C8A: variants seen among roughly 807,000 people sequenced by gnomAD.
C8A encodes complement component C8 alpha chain.
C8A carries 67 observed loss-of-function variants against 65.3 expected under a neutral mutation model. The ratio of observed to expected loss-of-function variants is 1.03; its 90% CI spans 0.84 to 1.26. C8A has a LOEUF of 1.26. Among genes scored for constraint, C8A ranks in the 50% most tolerant of loss-of-function variants. C8A has a pLI of 0.00. For synonymous variants in C8A, 290 were observed against 259.4 expected (o/e 1.12, Z -1.13); for missense variants, 781 against 723.9 (o/e 1.08, Z -0.90).
intron 1 of C8A, among the ~76,000 whole-genome samples, chr1:56,857,317 C>CACACAG (rs1276628622): frequency 1.3e-5 from 2 of 151,692 alleles, no homozygotes; most frequent in African/African-American, 2.4e-5. Context: ...CACACACACA[C>CACACAG]ACACACACAC....
chr1:56,874,873 G>A (rs2405237), intron 2 of C8A, 76 bp from the exon 3 acceptor site: 53,178 of 1,552,008 alleles, frequency 0.034, 1,106 homozygotes, highest in Non-Finnish European at 0.039. Context: ...ATGTTGAGCC[G>A]AAACCAGGCT....
chr1:56,908,437 C>A (rs1429888693), intron 9 of C8A, among the ~76,000 whole-genome samples: 1 of 152,130 alleles, frequency 6.6e-6, no homozygotes, highest in African/African-American at 2.4e-5. Flanking sequence ...ATCACATGGG[C>A]TAAATTAGGG....
intron 2 of C8A, among the ~76,000 whole-genome samples, chr1:56,869,896 G>C (rs1644127066): frequency 6.6e-6 from 1 of 152,162 alleles, no homozygotes; most frequent in Admixed American, 6.5e-5. Flanking sequence ...CACTCAGTTA[G>C]TGAGGTGCTC....
chr1:56,867,578 A>G, intron 1 of C8A, 31 bp from the exon 2 acceptor site: 1 of 1,535,224 alleles, frequency 6.5e-7, no homozygotes, highest in East Asian at 2.3e-5. Context: ...TTGCATCTCA[A>G]AATTGATGCA....
intron 7 of C8A, among the ~76,000 whole-genome samples, chr1:56,898,481 T>C (rs1644402092): frequency 6.6e-6 from 1 of 152,172 alleles, no homozygotes; most frequent in Admixed American, 6.5e-5. Context: ...GATTTGCATA[T>C]GCTATTTCTT....
chr1:56,872,274 G>T (rs1033713364), intron 2 of C8A, among the ~76,000 whole-genome samples: 2 of 152,158 alleles, frequency 1.3e-5, no homozygotes, highest in Admixed American at 1.3e-4. Context: ...GTCATGTAAT[G>T]GCAAACAGTC....
intron 7 of C8A, among the ~76,000 whole-genome samples, chr1:56,900,528 A>G (rs544536990): frequency 1.2e-3 from 179 of 152,320 alleles, no homozygotes; most frequent in Middle Eastern, 3.4e-3. Flanking sequence ...CTTAACCACC[A>G]CAATTCCTGC....
In C8A at chr1:56,906,728, C is replaced by A. The variant is rs936573952; in HGVS notation, c.1158C>A (p.Asp386Glu). Residue 386 changes from aspartate (D) to glutamate (E), a missense_variant, in exon 8 of 11, where the codon GAC becomes GAA. Transcript: ENST00000361249. ...FGGSLGIQYE[D>E]KINVGGGLSG... ...GCTCCTTGGGCATTCAATATGAAGA[C>A]AAAATAAATGTTGGTGGAGGTTTAT... 14 of 1,613,874 alleles carry A rather than the reference C, an allele frequency of 8.7e-6. No individual in the cohort carries two copies. Among genetic ancestry groups the A allele is most frequent in the South Asian group, 1.1e-5 (1 of 91,072 alleles).
intron 5 of C8A, 144 bp downstream of exon 5, chr1:56,881,778 C>T (rs1462439405): frequency 2.6e-6 from 2 of 771,462 alleles, no homozygotes; most frequent in East Asian, 2.6e-5. Context: ...TACCCATCCC[C>T]ACACATGCTT....
In C8A at chr1:56,885,439, A is replaced by AAATATATATTTAAATATATATTTAC. The variant is rs1319825623; in HGVS notation, c.856-488_856-487insAATATATATTTAAATATATATTTAC. On this transcript the variant is annotated intron_variant, in intron 6 of 10. Coordinates refer to ENST00000361249, the MANE Select transcript of C8A (RefSeq NM_000562.3). ...AAATATATATTTAAATATATATTTA[A>AAATATATATTTAAATATATATTTAC]GTAAATATATATATATTTCCGTAAA... Among the ~76,000 whole-genome samples the AAATATATATTTAAATATATATTTAC allele has an allele frequency of 3.3e-4, 40 of 119,472 alleles. 2 individuals are homozygous for AAATATATATTTAAATATATATTTAC. In the East Asian group the frequency reaches 7.7e-3, roughly 23 times the overall value. 78.4% of individuals were successfully genotyped at this position (119,472 alleles called of 152,430 possible).
chr1:56,879,546 G>A (rs559163734), intron 4 of C8A, among the ~76,000 whole-genome samples: 3 of 152,128 alleles, frequency 2.0e-5, no homozygotes, highest in African/African-American at 7.2e-5. Context: ...TCAATGGTCA[G>A]GAAGATAGAA....
chr1:56,877,457 G>T (rs995539468), intron 4 of C8A, among the ~76,000 whole-genome samples: 1 of 152,114 alleles, frequency 6.6e-6, no homozygotes, highest in African/African-American at 2.4e-5. Flanking sequence ...GTGTCTATCT[G>T]CCCAGGCTAG....
In C8A at chr1:56,856,565, T is replaced by A. The variant is rs1048736144; in HGVS notation, c.77+1587T>A. ...AGTCAGAGATTTTAAACTTTATTTT[T>A]AAGTAATAGCACTCTTTTTCCCTGC... On this transcript the variant is annotated intron_variant, in intron 1 of 10. Coordinates refer to ENST00000361249, the MANE Select transcript of C8A (RefSeq NM_000562.3). Among the ~76,000 whole-genome samples the A allele has an allele frequency of 3.3e-5, 5 of 152,148 alleles. No individual in the cohort carries two copies. In the East Asian group the frequency reaches 9.6e-4, roughly 29 times the overall value.
chr1:56,906,565 C>A, intron 7 of C8A, 102 bp from the exon 8 acceptor site: 2 of 1,426,118 alleles, frequency 1.4e-6, no homozygotes, highest in Non-Finnish European at 2.0e-6. Flanking sequence ...GCCTTTTGGA[C>A]TCCAAAGCTG....
chr1:56,878,559 C>G (rs1644221144), intron 4 of C8A, among the ~76,000 whole-genome samples: 1 of 152,172 alleles, frequency 6.6e-6, no homozygotes, highest in South Asian at 2.1e-4. Context: ...CCACTCCAGC[C>G]ACTGATGTTT....
intron 7 of C8A, among the ~76,000 whole-genome samples, chr1:56,897,975 G>T (rs1273634609): frequency 6.6e-6 from 1 of 152,130 alleles, no homozygotes; most frequent in Non-Finnish European, 1.5e-5. Flanking sequence ...GAAGCACAAA[G>T]GAGGGAGCCA....
In C8A at chr1:56,917,876, C is replaced by G; in HGVS notation, c.*160C>G. ...TAAGACTAGGTTTTGCTGTCTACAG[C>G]CAACTATTCTATTAGTTACAAAACT... On this transcript the variant is annotated 3_prime_UTR_variant, in exon 11 of 11. Transcript: ENST00000361249. 1.3e-6 allele frequency: 1 copy of G among 759,904 alleles called. No individual in the cohort carries two copies. Among genetic ancestry groups the G allele is most frequent in the Non-Finnish European group, 2.2e-6 (1 of 464,930 alleles). The allele number at this position is 759,904 out of a possible 1,614,324, so 47.1% of individuals were successfully genotyped here. A position where few individuals can be genotyped will look rare whatever the true frequency, so the allele number is the denominator to read the frequency against.
chr1:56,871,054 G>A (rs913113068), intron 2 of C8A, among the ~76,000 whole-genome samples: 1 of 152,104 alleles, frequency 6.6e-6, no homozygotes, highest in Non-Finnish European at 1.5e-5. Flanking sequence ...AGAAAATAGG[G>A]AATCAATGGG....
chr1:56,906,526 T>A, intron 7 of C8A, 141 bp from the exon 8 acceptor site: 1 of 887,768 alleles, frequency 1.1e-6, no homozygotes, highest in East Asian at 2.5e-5. Context: ...AAACTGAAAT[T>A]GGATTAAAGA....
Sources: gnomAD v4.1 joint callset for allele counts (sites outside exome capture counted in the v4.1 genomes callset) on GRCh38, gnomAD v4.1.1 for gene constraint, MANE v1.5 for transcripts, NCBI Gene and HGNC (gene_info 2026-07-23, HGNC 2026-07-21) for gene names.